The following CTNNBIP1 variants were observed in gnomAD, a reference collection of about 807,000 sequenced individuals.
CTNNBIP1 encodes beta-catenin-interacting protein 1.
CTNNBIP1 carries 7 observed loss-of-function variants against 11.8 expected under a neutral mutation model. The ratio of observed to expected loss-of-function variants is 0.60; its 90% confidence interval spans 0.34 to 1.12. CTNNBIP1 has a LOEUF of 1.12. Among genes scored for constraint, CTNNBIP1 ranks in the 50% most tolerant of loss-of-function variants. The pLI, the probability that CTNNBIP1 is intolerant of heterozygous loss-of-function variation, is 0.03. For missense variants in CTNNBIP1, 101 were observed against 113.4 expected (o/e 0.89, Z 0.50); for synonymous variants, 58 against 43.9 (o/e 1.32, Z -1.26).
In CTNNBIP1 at chr1:9,868,713, C is replaced by T. The variant is rs530287760; in HGVS notation, c.187+2474G>A. 7.3e-5 allele frequency among the ~76,000 whole-genome samples: 11 copies of T among 150,832 alleles called. No individual in the cohort carries two copies. In the South Asian group the frequency reaches 1.3e-3, roughly 17 times the overall value. On this transcript the variant is annotated intron_variant, in intron 5 of 5. Transcript: ENST00000377263. Reference sequence around the variant, plus strand: ...TGTGATCTTGGCTCATCGCAAGCTCCGCCTCCCAGATTCAAGCGGTTCTCC... The same window carrying T: ...TGTGATCTTGGCTCATCGCAAGCTCTGCCTCCCAGATTCAAGCGGTTCTCC...
intron 5 of CTNNBIP1, among the ~76,000 whole-genome samples, chr1:9,870,341 G>A (rs1373672379): frequency 2.0e-5 from 3 of 152,230 alleles, no homozygotes; most frequent in African/African-American, 7.2e-5. Flanking sequence ...CTAGGCCTCT[G>A]TGTCATGAGA....
At position 9,867,637 on chromosome 1, in the gene CTNNBIP1, T is replaced by C. The variant is rs1036288412; in HGVS notation, c.187+3550A>G. Among the ~76,000 whole-genome samples the C allele has an allele frequency of 6.6e-6, 1 of 152,106 alleles. No individual in the cohort carries two copies. The highest frequency in any genetic ancestry group is 2.4e-5 in the African/African-American group (1 of 41,394). On this transcript the variant is annotated intron_variant, in intron 5 of 5. Coordinates refer to ENST00000377263, the MANE Select transcript of CTNNBIP1 (RefSeq NM_020248.3). This position sits in a 1 kb window ranked among gnomAD's most constrained non-coding sequence, Gnocchi z 4.6. ...GGAACACCTAAAGCAGCCTGGAGCA[T>C]TTGCTGAGAGACAGCGCCACCTAGT...
intron 2 of CTNNBIP1, among the ~76,000 whole-genome samples, chr1:9,878,933 C>T (rs1639026277): frequency 6.6e-6 from 1 of 152,190 alleles, no homozygotes; most frequent in South Asian, 2.1e-4. Flanking sequence ...CGCGGTGGCT[C>T]ACACCTGTAA....
intron 3 of CTNNBIP1, among the ~76,000 whole-genome samples, chr1:9,876,733 G>A (rs1356486829): frequency 6.6e-6 from 1 of 152,194 alleles, no homozygotes; most frequent in Non-Finnish European, 1.5e-5. Context: ...CACACATTCT[G>A]CAAAAAGTGG....
chr1:9,899,021 G>A (rs899972938), intron 1 of CTNNBIP1, among the ~76,000 whole-genome samples: 2 of 152,116 alleles, frequency 1.3e-5, no homozygotes, highest in African/African-American at 4.8e-5. Context: ...GGAACAGGTG[G>A]TGTTTGGTTA....
At chr1:9,881,171 A>G (rs1639072951) in intron 2 of CTNNBIP1, among the ~76,000 whole-genome samples, 2 of 151,768 alleles carry the variant, frequency 1.3e-5, no homozygotes, top group Middle Eastern at 3.4e-3. Flanking sequence ...GCATGGCTGA[A>G]CCACAGGCAT....
At chr1:9,882,140 T>C (rs1449466957) in intron 2 of CTNNBIP1, among the ~76,000 whole-genome samples, 2 of 152,072 alleles carry the variant, frequency 1.3e-5, no homozygotes, top group Non-Finnish European at 2.9e-5. Context: ...AGAGGCTGGC[T>C]GCCAATGGCT....
chr1:9,899,157 T>C (rs1041703840), intron 1 of CTNNBIP1, among the ~76,000 whole-genome samples: 1 of 152,044 alleles, frequency 6.6e-6, no homozygotes. Context: ...ATAAGCGGCC[T>C]TAAAAATATA....
At chr1:9,881,748 T>C (rs1290441498) in intron 2 of CTNNBIP1, among the ~76,000 whole-genome samples, 2 of 152,152 alleles carry the variant, frequency 1.3e-5, no homozygotes, top group African/African-American at 4.8e-5. Flanking sequence ...CTTCTCAAAC[T>C]GCCAAGGGTT....
intron 1 of CTNNBIP1, among the ~76,000 whole-genome samples, chr1:9,885,920 G>T (rs1490249054): frequency 6.8e-6 from 1 of 147,462 alleles, no homozygotes; most frequent in African/African-American, 2.5e-5. Context: ...CAACAAGAGT[G>T]AAACTCCATC....
intron 5 of CTNNBIP1, among the ~76,000 whole-genome samples, chr1:9,859,919 C>T (rs984995444): frequency 2.0e-5 from 3 of 152,214 alleles, no homozygotes; most frequent in Non-Finnish European, 2.9e-5. Flanking sequence ...TCCAGGGTGC[C>T]TCCCTGGACT....
rs1638356066 is a variant in CTNNBIP1, at chr1:9,850,446, A to G, written c.*272T>C. 5.5e-6 allele frequency: 2 copies of G among 361,882 alleles called. No individual in the cohort carries two copies. Among genetic ancestry groups the G allele is most frequent in the Admixed American group, 4.3e-5 (1 of 23,202 alleles). The allele number at this position is 361,882 out of a possible 1,614,324, so 22.4% of individuals were successfully genotyped here. On this transcript the variant is annotated 3_prime_UTR_variant, in exon 6 of 6. Coordinates refer to ENST00000377263, the MANE Select transcript of CTNNBIP1 (RefSeq NM_020248.3). ...AAATAAGAGTCAGAAATAAAAATAA[A>G]AGGTTTCTGTTGGTCAAGATTTAAA... is the stretch of plus-strand genomic sequence containing the variant.
chr1:9,903,754 AG>A (rs1639567265), intron 1 of CTNNBIP1, among the ~76,000 whole-genome samples: 1 of 152,206 alleles, frequency 6.6e-6, no homozygotes. Flanking sequence ...GAAAGGGCCT[AG>A]GATTCAAACC....
At chr1:9,855,019 G>C (rs942786798) in intron 5 of CTNNBIP1, among the ~76,000 whole-genome samples, 1 of 152,012 alleles carries the variant, frequency 6.6e-6, no homozygotes, top group Non-Finnish European at 1.5e-5. Context: ...TAAAGGTACA[G>C]GATACAAGGT....
intron 2 of CTNNBIP1, among the ~76,000 whole-genome samples, chr1:9,881,031 T>C (rs992184323): frequency 2.0e-5 from 3 of 152,136 alleles, no homozygotes; most frequent in African/African-American, 7.2e-5. Flanking sequence ...TCACCATCTT[T>C]AAATTCTTTT....
chr1:9,880,662 A>G (rs747297010), intron 2 of CTNNBIP1, among the ~76,000 whole-genome samples: 3 of 152,120 alleles, frequency 2.0e-5, no homozygotes, highest in Non-Finnish European at 4.4e-5. Context: ...ATGTTTTAAT[A>G]ATCACCTATA....
chr1:9,902,250 G>A (rs1052438831), intron 1 of CTNNBIP1, among the ~76,000 whole-genome samples: 1 of 152,068 alleles, frequency 6.6e-6, no homozygotes, highest in Non-Finnish European at 1.5e-5. Flanking sequence ...GAGACGTGTC[G>A]GGCAGGAAGA....
Position 9,898,100 on chromosome 1 carries a change from G to A in CTNNBIP1, c.-144+11995C>T, listed in dbSNP as rs1639446783. On this transcript the variant is annotated intron_variant, in intron 1 of 5. Transcript: ENST00000377263. The stretch of plus-strand genomic sequence containing the variant: ...ACTGAACTCCAGTCTGGATAACAGA[G>A]TGAGACTCTGTCTCAGCAAAAAAAA... Among the ~76,000 whole-genome samples the A allele has an allele frequency of 2.0e-5, 3 of 150,510 alleles. No individual in the cohort carries two copies. In the South Asian group the frequency reaches 6.3e-4, roughly 31 times the overall value.
intron 5 of CTNNBIP1, among the ~76,000 whole-genome samples, chr1:9,857,614 A>G (rs997383143): frequency 9.9e-5 from 15 of 152,058 alleles, no homozygotes; most frequent in Admixed American, 2.0e-4. Flanking sequence ...CAGCCTATCC[A>G]ACGTGGTGAA....
Sources: gnomAD v4.1 joint callset for allele counts (sites outside exome capture counted in the v4.1 genomes callset) on GRCh38, gnomAD v4.1.1 for gene constraint, Gnocchi (gnomAD v3.1) non-coding constraint, MANE v1.5 for transcripts, NCBI Gene and HGNC (gene_info 2026-07-23, HGNC 2026-07-21) for gene names.